The following GRIN2A variants were observed in gnomAD, a reference collection of about 807,000 sequenced individuals.
GRIN2A encodes glutamate ionotropic receptor NMDA type subunit 2A.
A neutral mutation model predicts 113.4 loss-of-function variants in GRIN2A; 22 were observed. That is an observed-to-expected ratio of 0.19 (90% CI 0.14 to 0.28). The LOEUF (loss-of-function observed/expected upper bound fraction) is 0.28, where lower values mean the gene tolerates loss of function less well. GRIN2A is among the 10% of genes least tolerant of loss of function. The pLI is 1.00. For missense variants in GRIN2A, 1,502 were observed against 1,887.0 expected (o/e 0.80, Z 3.78); for synonymous variants, 827 against 738.4 (o/e 1.12, Z -1.94).
At chr16:10,133,158 C>T (rs1378122754) in intron 2 of GRIN2A, among the ~76,000 whole-genome samples, 1 of 152,198 alleles carries the variant, frequency 6.6e-6, no homozygotes, top group Admixed American at 6.5e-5. Flanking sequence ...TCCCTTTTGC[C>T]ATAAATCATA....
intron 2 of GRIN2A, among the ~76,000 whole-genome samples, chr16:10,155,237 CAGG>C (rs778323237): frequency 6.6e-6 from 1 of 152,116 alleles, no homozygotes; most frequent in African/African-American, 2.4e-5. Flanking sequence ...TTTGTGCAGC[CAGG>C]AGTTTACATT....
Position 9,814,327 on chromosome 16 carries a change from G to C in GRIN2A, c.2168+7937C>G, listed in dbSNP as rs113865927. Among the ~76,000 whole-genome samples, 700 of 152,238 alleles carry C rather than the reference G, an allele frequency of 4.6e-3. 7 individuals are homozygous for C. Among genetic ancestry groups the C allele is most frequent in the African/African-American group, 0.015 (621 of 41,528 alleles). On this transcript the variant is annotated intron_variant, in intron 10 of 12. Transcript: ENST00000330684. ...TGCAATGTAGTTACTTAGCTGAATA[G>C]CCTATTGGGTAATTAGGTTAACATT...
At chr16:10,094,487 T>C (rs2048246486) in intron 2 of GRIN2A, among the ~76,000 whole-genome samples, 2 of 152,094 alleles carry the variant, frequency 1.3e-5, no homozygotes, top group South Asian at 4.2e-4. Flanking sequence ...CTCGCTCTTA[T>C]TGCCCAGGCT....
At chr16:9,895,481 G>T (rs2043787450) in intron 3 of GRIN2A, among the ~76,000 whole-genome samples, 1 of 152,186 alleles carries the variant, frequency 6.6e-6, no homozygotes, top group Non-Finnish European at 1.5e-5. Context: ...TATAGACTGA[G>T]TTTAGACTTC....
At chr16:10,167,479 C>T (rs1415038728) in intron 2 of GRIN2A, among the ~76,000 whole-genome samples, 1 of 152,064 alleles carries the variant, frequency 6.6e-6, no homozygotes, top group Non-Finnish European at 1.5e-5. Context: ...TTGTAGTTTT[C>T]AAGTCAGGGA....
At chr16:10,100,605 T>A (rs1042831040) in intron 2 of GRIN2A, among the ~76,000 whole-genome samples, 1 of 152,200 alleles carries the variant, frequency 6.6e-6, no homozygotes, top group Non-Finnish European at 1.5e-5. Context: ...ATAGTGATGA[T>A]CTTTGTAACT....
intron 2 of GRIN2A, among the ~76,000 whole-genome samples, chr16:9,966,636 C>G (rs1014830332): frequency 3.3e-5 from 5 of 152,136 alleles, no homozygotes; most frequent in South Asian, 2.1e-4. Flanking sequence ...TCGGTATATA[C>G]CTGGAAACGG....
chr16:10,112,766 T>C (rs1451444174), intron 2 of GRIN2A: 1 of 711,778 alleles, frequency 1.4e-6, no homozygotes, highest in Non-Finnish European at 2.6e-6. Context: ...TCATAGCGAG[T>C]AACCAGCATG....
chr16:9,969,598 C>T (rs1214295091), intron 2 of GRIN2A, among the ~76,000 whole-genome samples: 1 of 152,152 alleles, frequency 6.6e-6, no homozygotes, highest in Non-Finnish European at 1.5e-5. Context: ...TGTCATCCAC[C>T]ACCCAAACTT....
intron 3 of GRIN2A, among the ~76,000 whole-genome samples, chr16:9,922,312 TAA>T (rs879272888): frequency 1.4e-5 from 2 of 143,486 alleles, no homozygotes; most frequent in African/African-American, 5.1e-5. Flanking sequence ...TCTGCAGATT[TAA>T]AAAAAAAAAA....
At chr16:9,893,799 C>T (rs1055819396) in intron 3 of GRIN2A, among the ~76,000 whole-genome samples, 1 of 152,194 alleles carries the variant, frequency 6.6e-6, no homozygotes, top group East Asian at 1.9e-4. Context: ...CAACTAATTA[C>T]TCTATTTATT....
chr16:10,157,364 T>A (rs1432618537), intron 2 of GRIN2A, among the ~76,000 whole-genome samples: 4 of 152,200 alleles, frequency 2.6e-5, no homozygotes, highest in Non-Finnish European at 4.4e-5. Flanking sequence ...GGAAGTCTCA[T>A]CTTGGTGCTA....
intron 4 of GRIN2A, among the ~76,000 whole-genome samples, chr16:9,871,235 A>T (rs145949467): frequency 3.1e-4 from 47 of 152,246 alleles, no homozygotes; most frequent in Middle Eastern, 3.4e-3. Context: ...CACAAATTAC[A>T]GCAAATATGT....
chr16:9,792,126 CAT>C (rs1387193125), intron 11 of GRIN2A, among the ~76,000 whole-genome samples: 3 of 147,356 alleles, frequency 2.0e-5, no homozygotes, highest in African/African-American at 7.8e-5. Flanking sequence ...AAATATTTAA[CAT>C]ATGATTATAT....
At chr16:9,873,262 G>C (rs958496397) in intron 4 of GRIN2A, among the ~76,000 whole-genome samples, 1 of 152,126 alleles carries the variant, frequency 6.6e-6, no homozygotes, top group Non-Finnish European at 1.5e-5. Flanking sequence ...TTATTTGTGA[G>C]AGGGATACTC....
At chr16:9,987,479 G>C (rs569118544) in intron 2 of GRIN2A, among the ~76,000 whole-genome samples, 3 of 152,144 alleles carry the variant, frequency 2.0e-5, no homozygotes, top group Admixed American at 2.0e-4. Context: ...ATAACATCCA[G>C]TTATCCAAAT....
At chr16:10,128,539 G>A (rs1464629996) in intron 2 of GRIN2A, among the ~76,000 whole-genome samples, 2 of 152,184 alleles carry the variant, frequency 1.3e-5, no homozygotes, top group Non-Finnish European at 2.9e-5. Flanking sequence ...ACCAGCCTTG[G>A]AATGCAGAGG....
intron 2 of GRIN2A, among the ~76,000 whole-genome samples, chr16:9,951,924 G>GGCAC (rs2045193460): frequency 6.6e-6 from 1 of 152,100 alleles, no homozygotes; most frequent in Admixed American, 6.6e-5. Flanking sequence ...GAACACAGAA[G>GGCAC]GCACTCCTTC....
At chr16:10,051,958 C>T (rs1275225783) in intron 2 of GRIN2A, among the ~76,000 whole-genome samples, 1 of 152,202 alleles carries the variant, frequency 6.6e-6, no homozygotes, top group African/African-American at 2.4e-5. Context: ...TGTCAGATCA[C>T]TGTCACATAC....
Sources: gnomAD v4.1 joint callset for allele counts (sites outside exome capture counted in the v4.1 genomes callset) on GRCh38, gnomAD v4.1.1 for gene constraint, MANE v1.5 for transcripts, NCBI Gene and HGNC (gene_info 2026-07-23, HGNC 2026-07-21) for gene names.